Variants in RPH3A observed in about 807,000 individuals in gnomAD.
RPH3A encodes rabphilin-3A.
Under a neutral mutation model 102.2 loss-of-function variants are expected in RPH3A, and 48 were observed. The ratio of observed to expected loss-of-function variants is 0.47; its 90% CI spans 0.37 to 0.60. The LOEUF (loss-of-function observed/expected upper bound fraction) is 0.60. RPH3A is among the 20% of genes least tolerant of loss of function. The probability of loss-of-function intolerance (pLI) is 0.00; values close to 1 mark genes in which losing one functional copy is unlikely to be tolerated. For synonymous variants in RPH3A, 310 were observed against 324.3 expected (o/e 0.96, Z 0.47); for missense variants, 781 against 910.1 (o/e 0.86, Z 1.83).
intron 14 of RPH3A, among the ~76,000 whole-genome samples, chr12:112,879,566 A>AG (rs1289893755): frequency 1.3e-5 from 2 of 152,190 alleles, no homozygotes; most frequent in Non-Finnish European, 2.9e-5. Context: ...GAATGGTCCC[A>AG]TCCCTGTGTC....
At chr12:112,578,048 G>C (rs7975499) in intron 1 of RPH3A, among the ~76,000 whole-genome samples, 13,407 of 152,208 alleles carry the variant, frequency 0.088, 874 homozygotes, top group South Asian at 0.36. Flanking sequence ...GGAAGTCACT[G>C]TTCTCAAGCT....
At chr12:112,653,119 G>A (rs889386264) in intron 1 of RPH3A, among the ~76,000 whole-genome samples, 1 of 152,054 alleles carries the variant, frequency 6.6e-6, no homozygotes, top group Non-Finnish European at 1.5e-5. Flanking sequence ...GGCCGAGGGA[G>A]GTGGCTCACA....
chr12:112,817,041 G>C (rs759498087), intron 2 of RPH3A, among the ~76,000 whole-genome samples: 2 of 152,112 alleles, frequency 1.3e-5, no homozygotes, highest in Admixed American at 1.3e-4. Flanking sequence ...ACTTGCCCAA[G>C]GTGACCTGGC....
rs75000642 is a variant in RPH3A at position 112,587,014 on chromosome 12, C to T, written c.-140+11695C>T. 2.1e-4 allele frequency among the ~76,000 whole-genome samples: 32 copies of T among 152,284 alleles called. No homozygotes were observed. In the East Asian group the frequency reaches 3.5e-3, roughly 17 times the overall value. ...ATTAGGAATTTACATTTCTGAGCTA[C>T]GTAAAATAAGAAGGCTATTTTCCCA... On this transcript the variant is annotated intron_variant, in intron 1 of 21. Coordinates refer to the RPH3A transcript ENST00000543106.
At chr12:112,594,934 C>T (rs1403603368) in intron 1 of RPH3A, among the ~76,000 whole-genome samples, 2 of 152,192 alleles carry the variant, frequency 1.3e-5, no homozygotes, top group Non-Finnish European at 2.9e-5. Context: ...GAGCATTACT[C>T]ACATGGTATT....
At chr12:112,713,225 C>G (rs894987842) in intron 1 of RPH3A, among the ~76,000 whole-genome samples, 1 of 151,676 alleles carries the variant, frequency 6.6e-6, no homozygotes, top group Non-Finnish European at 1.5e-5. Flanking sequence ...AGCCACCATG[C>G]CTGACATGTA....
chr12:112,653,339 C>T (rs2039989597), intron 1 of RPH3A, among the ~76,000 whole-genome samples: 2 of 149,506 alleles, frequency 1.3e-5, no homozygotes, highest in Admixed American at 1.3e-4. Context: ...CACTGCACTC[C>T]AGCCTGGGTG....
At position 112,865,422 on chromosome 12, in the gene RPH3A, T is replaced by C. The variant is rs760958781; in HGVS notation, c.239T>C (p.Val80Ala). The C allele has an allele frequency of 6.2e-7, 1 of 1,613,956 alleles. No homozygotes were observed. ...CTTGTCTCTGCTTCCAGACGCCTGGTGGACCGCCTAGAAAACATGAGGAAG... is the reference window on the plus strand; with the variant it reads ...CTTGTCTCTGCTTCCAGACGCCTGGCGGACCGCCTAGAAAACATGAGGAAG... Reference protein sequence around the residue: ...EMEQERIGRLVDRLENMRKNV... With the variant: ...EMEQERIGRLADRLENMRKNV... The change falls in exon 6 of 22, where the codon GTG becomes GCG. Residue 80 changes from valine to alanine, a missense_variant. Coordinates refer to ENST00000389385, the MANE Select transcript of RPH3A (RefSeq NM_001143854.2).
At chr12:112,833,731 T>TTTTTTGATAATTTCATG (rs1491548781) in intron 3 of RPH3A, among the ~76,000 whole-genome samples, 2 of 49,650 alleles carry the variant, frequency 4.0e-5, no homozygotes, top group Non-Finnish European at 8.3e-5. Context: ...TAATTTCATG[T>TTTTTTGATAATTTCATG]TTTTTTTTTT....
At chr12:112,603,871 ACCCAGCCC>A (rs1222734425) in intron 1 of RPH3A, among the ~76,000 whole-genome samples, 1 of 152,020 alleles carries the variant, frequency 6.6e-6, no homozygotes, top group Non-Finnish European at 1.5e-5. Flanking sequence ...ATGTAATATA[ACCCAGCCC>A]CCCAGCATAC....
chr12:112,896,736 C>T lies in RPH3A; in HGVS notation c.2041C>T (p.Arg681Cys), dbSNP rs372862366. 84 of 1,613,982 alleles carry T rather than the reference C, an allele frequency of 5.2e-5. No individual in the cohort carries two copies. Among genetic ancestry groups the T allele is most frequent in the Admixed American group, 1.8e-4 (11 of 60,010 alleles). The change falls in exon 22 of 22, where the codon CGC (arginine) becomes TGC (cysteine). Residue 681 changes from arginine to cysteine, a missense_variant. Transcript: ENST00000389385. ...CLKNKDKKIE[R>C]WHQLQNENHV... The stretch of plus-strand genomic sequence containing the variant: ...GAAAAATAAAGACAAGAAGATAGAG[C>T]GCTGGCACCAGCTACAGAATGAGAA...
intron 1 of RPH3A, among the ~76,000 whole-genome samples, chr12:112,637,393 A>G (rs752251139): frequency 6.6e-6 from 1 of 152,086 alleles, no homozygotes; most frequent in Non-Finnish European, 1.5e-5. Flanking sequence ...TTGTTTTTTA[A>G]TTTTTTCTCC....
chr12:112,587,895 C>T (rs1378471062), intron 1 of RPH3A, among the ~76,000 whole-genome samples: 1 of 152,120 alleles, frequency 6.6e-6, no homozygotes, highest in Non-Finnish European at 1.5e-5. Context: ...TCACTGTGAG[C>T]CCTCGGTGAA....
intron 1 of RPH3A, among the ~76,000 whole-genome samples, chr12:112,785,185 G>A (rs528623483): frequency 1.3e-5 from 2 of 149,032 alleles, no homozygotes; most frequent in South Asian, 2.1e-4. Context: ...TTGCGCCATT[G>A]AACTCCAGCC....
chr12:112,896,908 C>G lies in RPH3A; in HGVS notation c.*128C>G. Reference sequence around the variant, plus strand: ...ACCCTGCTGATCTCCCTGAGCCTGCCTTTGAGCCCCCGTCACGTTGGGCAC... The same window carrying G: ...ACCCTGCTGATCTCCCTGAGCCTGCGTTTGAGCCCCCGTCACGTTGGGCAC... On this transcript the variant is annotated 3_prime_UTR_variant, in exon 22 of 22. Coordinates refer to ENST00000389385, the MANE Select transcript of RPH3A (RefSeq NM_001143854.2). 9.9e-7 allele frequency: 1 copy of G among 1,008,260 alleles called. No homozygotes were observed. The highest frequency in any genetic ancestry group is 1.4e-6 in the Non-Finnish European group (1 of 692,974). 62.5% of individuals were successfully genotyped at this position (1,008,260 alleles called of 1,614,324 possible).
intron 1 of RPH3A, among the ~76,000 whole-genome samples, chr12:112,740,222 G>A (rs903957844): frequency 3.3e-5 from 5 of 152,124 alleles, no homozygotes; most frequent in African/African-American, 1.2e-4. Context: ...GATCAAATGA[G>A]TTAATTTTAG....
At chr12:112,669,448 G>A (rs1457111929) in intron 1 of RPH3A, among the ~76,000 whole-genome samples, 1 of 152,190 alleles carries the variant, frequency 6.6e-6, no homozygotes, top group Non-Finnish European at 1.5e-5. Flanking sequence ...ACTGTCATCT[G>A]CTCATTGTGG....
intron 2 of RPH3A, among the ~76,000 whole-genome samples, chr12:112,794,446 G>A: frequency 6.6e-6 from 1 of 152,304 alleles, no homozygotes; most frequent in East Asian, 1.9e-4. Flanking sequence ...AGTCTCTTGT[G>A]AGAACTTTGC....
chr12:112,678,892 G>A lies in RPH3A; in HGVS notation c.-140+103573G>A, dbSNP rs184130298. Among the ~76,000 whole-genome samples the A allele has an allele frequency of 3.5e-4, 54 of 152,304 alleles. No individual in the cohort carries two copies. In the East Asian group the frequency reaches 8.9e-3, roughly 25 times the overall value. On this transcript the variant is annotated intron_variant, in intron 1 of 21. Coordinates refer to the RPH3A transcript ENST00000543106. Reference sequence around the variant, plus strand: ...TTAGATAGAGCCCTGGAGCCTGTGAGAAGGGGTCTGTGTTCCGGGTGCTCT... The same window carrying A: ...TTAGATAGAGCCCTGGAGCCTGTGAAAAGGGGTCTGTGTTCCGGGTGCTCT...
Sources: gnomAD v4.1 joint callset for allele counts (sites outside exome capture counted in the v4.1 genomes callset) on GRCh38, gnomAD v4.1.1 for gene constraint, MANE v1.5 for transcripts, NCBI Gene and HGNC (gene_info 2026-07-23, HGNC 2026-07-21) for gene names.